Variants in GRAMD1B observed in about 807,000 individuals in gnomAD.
The protein encoded by GRAMD1B is GRAM domain containing 1B, also known as protein Aster-B.
GRAMD1B carries 37 observed loss-of-function variants against 99.7 expected under a neutral mutation model. That is an observed-to-expected ratio of 0.37 (90% confidence interval 0.29 to 0.49). The LOEUF is 0.49. Among genes scored for constraint, GRAMD1B ranks in the 20% least tolerant of loss-of-function variants. The probability of loss-of-function intolerance (pLI) is 0.98; values close to 1 mark genes in which losing one functional copy is unlikely to be tolerated. For missense variants in GRAMD1B, 888 were observed against 1,009.2 expected (o/e 0.88, Z 1.63); for synonymous variants, 427 against 387.6 (o/e 1.10, Z -1.19).
intron 1 of GRAMD1B, among the ~76,000 whole-genome samples, chr11:123,455,809 A>C (rs1950089306): frequency 6.6e-6 from 1 of 152,188 alleles, no homozygotes; most frequent in African/African-American, 2.4e-5. Flanking sequence ...CCTTGAGAGC[A>C]GGGACCTTTG....
At position 123,513,617 on chromosome 11, in the gene GRAMD1B, C is replaced by CCTTCCTTTCTTT. The variant is rs1555050260; in HGVS notation, c.452+32727_452+32728insCCTTTCTTTCTT. On this transcript the variant is annotated intron_variant, in intron 2 of 19. Transcript: ENST00000635736. ...TCCTTCCTTCCTTCCTTCCTTCCTT[C>CCTTCCTTTCTTT]CTTTCTTTCTTTCTTTCTTTCTTTC... is the stretch of plus-strand genomic sequence containing the variant. Among the ~76,000 whole-genome samples the CCTTCCTTTCTTT allele has an allele frequency of 3.5e-3, 161 of 45,802 alleles. 1 individual carries two copies. Among genetic ancestry groups the CCTTCCTTTCTTT allele is most frequent in the Middle Eastern group, 0.013 (1 of 76 alleles). The allele number at this position is 45,802 out of a possible 152,430, so 30.0% of individuals were successfully genotyped here. A position where few individuals can be genotyped will look rare whatever the true frequency, so the allele number is the denominator to read the frequency against.
At chr11:123,405,192 ATG>A (rs145624429) in intron 1 of GRAMD1B, among the ~76,000 whole-genome samples, 68,548 of 147,526 alleles carry the variant, frequency 0.46, 16,115 homozygotes, top group African/African-American at 0.6. Context: ...TCATGTGTGC[ATG>A]TGTGTGTGTG....
intron 1 of GRAMD1B, among the ~76,000 whole-genome samples, chr11:123,393,537 C>G (rs914888578): frequency 4.6e-5 from 7 of 152,128 alleles, no homozygotes; most frequent in Non-Finnish European, 1.0e-4. Context: ...ACAGAGATGG[C>G]TAATGCATGC....
chr11:123,623,032 T>G lies in GRAMD1B; in HGVS notation c.*437T>G, dbSNP rs1955304272. The G allele has an allele frequency of 6.6e-6, 1 of 152,226 alleles. No individual in the cohort carries two copies. Among genetic ancestry groups the G allele is most frequent in the Non-Finnish European group, 1.5e-5 (1 of 68,050 alleles). 9.4% of individuals were successfully genotyped at this position (152,226 alleles called of 1,614,324 possible). A position where few individuals can be genotyped will look rare whatever the true frequency, so the allele number is the denominator to read the frequency against. On this transcript the variant is annotated 3_prime_UTR_variant, in exon 20 of 20. Coordinates refer to ENST00000635736, the MANE Select transcript of GRAMD1B (RefSeq NM_001387025.1). ...ATCCCCTTTTGATTTGTTTCCAAAA[T>G]AAAAGAGAATCTTTTCTTCCCTACC...
intron 2 of GRAMD1B, among the ~76,000 whole-genome samples, chr11:123,527,016 C>T (rs767031074): frequency 6.6e-6 from 1 of 152,150 alleles, no homozygotes; most frequent in Non-Finnish European, 1.5e-5. Flanking sequence ...TGCAGGGTGG[C>T]ATGTGCAGCT....
At chr11:123,551,256 G>A (rs983450207) in intron 2 of GRAMD1B, among the ~76,000 whole-genome samples, 1 of 152,164 alleles carries the variant, frequency 6.6e-6, no homozygotes, top group African/African-American at 2.4e-5. Flanking sequence ...TTTGGGCGAG[G>A]CTGCTTCCTT....
At chr11:123,500,809 G>T (rs531354406) in intron 2 of GRAMD1B, among the ~76,000 whole-genome samples, 160 of 152,182 alleles carry the variant, frequency 1.1e-3, no homozygotes, top group Non-Finnish European at 1.9e-3. Context: ...AAGTAGCTGG[G>T]ATTACAGGCA....
intron 2 of GRAMD1B, among the ~76,000 whole-genome samples, chr11:123,498,119 A>G (rs557038318): frequency 2.0e-5 from 3 of 151,856 alleles, no homozygotes; most frequent in Admixed American, 2.0e-4. Flanking sequence ...CCTGGGACCC[A>G]CCCTTCAGGG....
In GRAMD1B at chr11:123,507,883, G is replaced by T. The variant is rs538891723; in HGVS notation, c.452+26990G>T. On this transcript the variant is annotated intron_variant, in intron 2 of 19. Coordinates refer to ENST00000635736, the MANE Select transcript of GRAMD1B (RefSeq NM_001387025.1). ...AGATTGAGGAGGAAAATGTTAAGAG[G>T]TTGGAAATTTGGTATTATGATGTTT... is the stretch of plus-strand genomic sequence containing the variant. Among the ~76,000 whole-genome samples the T allele has an allele frequency of 2.6e-5, 4 of 152,292 alleles. No homozygotes were observed. In the East Asian group the frequency reaches 7.7e-4, roughly 29 times the overall value.
chr11:123,602,148 C>T (rs748661671), intron 8 of GRAMD1B, among the ~76,000 whole-genome samples: 3 of 152,106 alleles, frequency 2.0e-5, no homozygotes, highest in South Asian at 2.1e-4. Context: ...TAGAGAGCTG[C>T]GGCCCCCAAC....
At chr11:123,404,510 A>C (rs143639239) in intron 1 of GRAMD1B, among the ~76,000 whole-genome samples, 101 of 152,330 alleles carry the variant, frequency 6.6e-4, no homozygotes, top group African/African-American at 2.4e-3. Flanking sequence ...TGTTTTTAAA[A>C]TCTAATCTCA....
chr11:123,434,322 G>A (rs892905526), intron 1 of GRAMD1B, among the ~76,000 whole-genome samples: 13 of 151,130 alleles, frequency 8.6e-5, no homozygotes, highest in African/African-American at 2.9e-4. Flanking sequence ...ATTCAAATTC[G>A]TGTGACTCAC....
chr11:123,431,404 C>T (rs1400959992), intron 1 of GRAMD1B, among the ~76,000 whole-genome samples: 1 of 152,242 alleles, frequency 6.6e-6, no homozygotes, highest in African/African-American at 2.4e-5. Flanking sequence ...TTACGTGGGG[C>T]TTTACGCTGC....
chr11:123,491,340 A>G (rs1477429024), intron 2 of GRAMD1B, among the ~76,000 whole-genome samples: 4 of 152,080 alleles, frequency 2.6e-5, no homozygotes, highest in African/African-American at 9.7e-5. Flanking sequence ...TATTTCCAGA[A>G]TAGTCTGGCT....
At chr11:123,616,689 T>C (rs1293399759) in intron 17 of GRAMD1B, among the ~76,000 whole-genome samples, 1 of 152,242 alleles carries the variant, frequency 6.6e-6, no homozygotes, top group Non-Finnish European at 1.5e-5. Flanking sequence ...TCTGGCAGGC[T>C]CTTGCCCCCA....
chr11:123,405,534 T>G (rs1947826745), intron 1 of GRAMD1B, among the ~76,000 whole-genome samples: 1 of 152,092 alleles, frequency 6.6e-6, no homozygotes, highest in Non-Finnish European at 1.5e-5. Context: ...CTTGGGTCTG[T>G]GTTTGAGATG....
chr11:123,526,101 T>C, intron 2 of GRAMD1B: 1 of 1,577,384 alleles, frequency 6.3e-7, no homozygotes, highest in Non-Finnish European at 8.7e-7. Flanking sequence ...TCCGGAGCTG[T>C]AACGGGGATG....
At chr11:123,462,855 G>A (rs1484722982) in intron 1 of GRAMD1B, among the ~76,000 whole-genome samples, 1 of 121,424 alleles carries the variant, frequency 8.2e-6, no homozygotes, top group African/African-American at 3.3e-5. Context: ...CCCCCTCTGT[G>A]AGAAACACCC....
chr11:123,422,602 A>G (rs1286560545), intron 1 of GRAMD1B, among the ~76,000 whole-genome samples: 1 of 152,226 alleles, frequency 6.6e-6, no homozygotes, highest in Non-Finnish European at 1.5e-5. Context: ...AAACTTTTTC[A>G]TTACATTCAT....
Sources: gnomAD v4.1 joint callset for allele counts (sites outside exome capture counted in the v4.1 genomes callset) on GRCh38, gnomAD v4.1.1 for gene constraint, MANE v1.5 for transcripts, NCBI Gene and HGNC (gene_info 2026-07-23, HGNC 2026-07-21) for gene names.